Variants in ABR observed in about 807,000 individuals in gnomAD.
ABR encodes the protein active breakpoint cluster region-related protein.
A neutral mutation model predicts 107.2 loss-of-function variants in ABR; 35 were observed. The ratio of observed to expected loss-of-function variants is 0.33; its 90% CI spans 0.25 to 0.43. The LOEUF (loss-of-function observed/expected upper bound fraction) is 0.43, where lower values mean the gene tolerates loss of function less well. ABR is among the 20% of genes least tolerant of loss of function. The pLI is 1.00. For missense variants in ABR, 815 were observed against 1,115.2 expected, an observed-to-expected ratio of 0.73 and a Z score of 3.83; for synonymous variants, 498 against 462.0, an observed-to-expected ratio of 1.08 and a Z score of -1.00.
upstream of ABR, among the ~76,000 whole-genome samples, chr17:1,189,151 T>G (rs991817196): frequency 3.3e-5 from 5 of 152,106 alleles, no homozygotes; most frequent in African/African-American, 1.2e-4. Flanking sequence ...AGGGTGAGAC[T>G]CCGGCCACAG....
chr17:1,153,136 T>C lies in ABR; in HGVS notation c.61+26531A>G, dbSNP rs367962708. Reference sequence around the variant, plus strand: ...GCTGTGATCCAGAGCCGCCCTCTGTTCTGGGAGATGGGGACCAGTCTGGAC... The same window carrying C: ...GCTGTGATCCAGAGCCGCCCTCTGTCCTGGGAGATGGGGACCAGTCTGGAC... On this transcript the variant is annotated intron_variant, in intron 1 of 22. Transcript: ENST00000302538. 2.0e-5 allele frequency among the ~76,000 whole-genome samples: 3 copies of C among 152,354 alleles called. No individual in the cohort carries two copies. The East Asian group carries it at 5.8e-4, about 29-fold the overall frequency.
Position 1,073,689 on chromosome 17 carries a change from G to A in ABR, c.701-12C>T, listed in dbSNP as rs1190615995. On this transcript the variant is annotated splice_polypyrimidine_tract_variant and intron_variant, in intron 6 of 22. Coordinates refer to ENST00000302538, the MANE Select transcript of ABR (RefSeq NM_021962.5). ...CTTGTAGAGCAGAGCTGTCGGGGGA[G>A]ACAGGGAGAAGGAGGAAGAGGATGA... The A allele has an allele frequency of 1.8e-5, 29 of 1,600,846 alleles. No homozygotes were observed. Among genetic ancestry groups the A allele is most frequent in the Non-Finnish European group, 2.5e-5 (29 of 1,172,050 alleles).
chr17:1,060,754 AG>A (rs2033829186), intron 10 of ABR, among the ~76,000 whole-genome samples: 1 of 152,154 alleles, frequency 6.6e-6, no homozygotes, highest in Non-Finnish European at 1.5e-5. Context: ...GCACTTTGGG[AG>A]GCCGGGGCGG....
chr17:1,057,765 G>T, intron 12 of ABR: 1 of 546,382 alleles, frequency 1.8e-6, no homozygotes, highest in Non-Finnish European at 3.3e-6. Context: ...CCAGTCCCAG[G>T]ACTAAATCAT....
intron 3 of ABR, among the ~76,000 whole-genome samples, chr17:1,097,928 C>T (rs752585004): frequency 1.3e-5 from 2 of 152,166 alleles, no homozygotes; most frequent in African/African-American, 2.4e-5. Context: ...AGTAACTCAA[C>T]GCTGTATGAG....
At chr17:1,137,570 C>A (rs1204800548) in intron 1 of ABR, among the ~76,000 whole-genome samples, 1 of 152,162 alleles carries the variant, frequency 6.6e-6, no homozygotes, top group Non-Finnish European at 1.5e-5. Context: ...AAAACAATGA[C>A]AATGCTAACA....
chr17:1,116,454 G>A (rs1394787676), intron 2 of ABR, among the ~76,000 whole-genome samples: 2 of 152,100 alleles, frequency 1.3e-5, no homozygotes, highest in Non-Finnish European at 2.9e-5. Context: ...TCAACTCTAG[G>A]GCTGCTAGCT....
rs757183478 is a variant in ABR, at chr17:1,050,106, C to CAA, written c.1734_1735insTT (p.Val579LeufsTer35). 2 of 1,614,116 alleles carry CAA rather than the reference C, an allele frequency of 1.2e-6. No homozygotes were observed. The highest frequency in any genetic ancestry group is 2.2e-5 in the South Asian group (2 of 91,084). On this transcript the variant is annotated frameshift_variant, in exon 16 of 23. Transcript: ENST00000302538. LOFTEE classifies it high-confidence loss of function. The surrounding 1 kb of genome is among the most constrained non-coding windows in gnomAD (Gnocchi z 4.6). ...ACGATCTCATTGTTGTCCTTGTTGA[C>CAA]CTTGGTCTTGTCATAGCACTTCTCA...
intron 2 of ABR, among the ~76,000 whole-genome samples, chr17:1,106,470 G>A (rs1398465265): frequency 6.7e-6 from 1 of 150,272 alleles, no homozygotes; most frequent in African/African-American, 2.4e-5. Context: ...AACTCCACTA[G>A]AAGTGGTCCC....
At chr17:1,006,413 C>T (rs2241931) in intron 22 of ABR, among the ~76,000 whole-genome samples, 56,268 of 152,120 alleles carry the variant, frequency 0.37, 11,931 homozygotes, top group African/African-American at 0.6. Flanking sequence ...GGCCACAGTC[C>T]GGCCCCTGCT....
At chr17:1,019,831 C>T (rs867713366) in intron 16 of ABR, among the ~76,000 whole-genome samples, 2 of 152,250 alleles carry the variant, frequency 1.3e-5, no homozygotes, top group Middle Eastern at 3.2e-3. Context: ...AGACAGGTGC[C>T]TTCCATGGGC....
In ABR at chr17:1,037,010, T is replaced by G. The variant is rs1567625434; in HGVS notation, c.1791+13040A>C. Among the ~76,000 whole-genome samples the G allele has an allele frequency of 6.6e-6, 1 of 151,424 alleles. No individual in the cohort carries two copies. Among genetic ancestry groups the G allele is most frequent in the African/African-American group, 2.4e-5 (1 of 40,862 alleles). ...TTCCTTCCTTCCATCCTTCCTTCCT[T>G]CCATCCTTCCTTCCTTCCATCCATC... On this transcript the variant is annotated intron_variant, in intron 16 of 22. Transcript: ENST00000302538. This position sits in a 1 kb window ranked among gnomAD's most constrained non-coding sequence, Gnocchi z 4.6.
intron 16 of ABR, among the ~76,000 whole-genome samples, chr17:1,021,905 TC>T (rs1315036566): frequency 6.6e-6 from 1 of 151,232 alleles, no homozygotes; most frequent in Non-Finnish European, 1.5e-5. Flanking sequence ...ATGCCTGTAA[TC>T]CCAGCACTCT....
Position 1,078,921 on chromosome 17 carries a change from C to T in ABR, c.700+409G>A. The T allele has an allele frequency of 5.9e-6, 9 of 1,532,154 alleles. No individual in the cohort carries two copies. The highest frequency in any genetic ancestry group is 7.9e-6 in the Non-Finnish European group (9 of 1,144,728). The allele number at this position is 1,532,154 out of a possible 1,614,324, so 94.9% of individuals were successfully genotyped here. A position where few individuals can be genotyped will look rare whatever the true frequency, so the allele number is the denominator to read the frequency against. ...TCGCTCCAGGCTCCCCGGCGCCCAC[C>T]AGCAGCCCGGCCACTCAGCCACCTT... On this transcript the variant is annotated intron_variant, in intron 6 of 22. Transcript: ENST00000302538. The surrounding 1 kb of genome is among the most constrained non-coding windows in gnomAD (Gnocchi z 7.5).
chr17:1,176,082 G>T (rs2151616067), intron 1 of ABR, among the ~76,000 whole-genome samples: 1 of 151,798 alleles, frequency 6.6e-6, no homozygotes, highest in Middle Eastern at 3.4e-3. Context: ...GGGTGAAAGA[G>T]CGAGACTCCG....
In ABR at chr17:1,050,670, T is replaced by C. The variant is rs780233016; in HGVS notation, c.1562-36A>G. 6.3e-7 allele frequency: 1 copy of C among 1,581,892 alleles called. No homozygotes were observed. Among genetic ancestry groups the C allele is most frequent in the South Asian group, 1.1e-5 (1 of 90,482 alleles). Reference sequence around the variant, plus strand: ...AGGACAGACGGAGATACTGAGTGAGTGGGGCCAGGGTGGGGCAGCTGGGGC... The same window carrying C: ...AGGACAGACGGAGATACTGAGTGAGCGGGGCCAGGGTGGGGCAGCTGGGGC... On this transcript the variant is annotated intron_variant, in intron 14 of 22. Coordinates refer to ENST00000302538, the MANE Select transcript of ABR (RefSeq NM_021962.5). The surrounding 1 kb of genome is among the most constrained non-coding windows in gnomAD (Gnocchi z 4.6).
Position 1,024,024 on chromosome 17 carries a change from C to CAAAAAAAAAAAAAAAAAAAAA in ABR, c.1792-10881_1792-10861dup, listed in dbSNP as rs11334940. Among the ~76,000 whole-genome samples, 24 of 47,678 alleles carry CAAAAAAAAAAAAAAAAAAAAA rather than the reference C, an allele frequency of 5.0e-4. 1 individual carries two copies. The highest frequency in any genetic ancestry group is 5.4e-4 in the Admixed American group (2 of 3,676). 31.3% of individuals were successfully genotyped at this position (47,678 alleles called of 152,430 possible). ...TGGGCGACAGAGCGAGACTCCATCT[C>CAAAAAAAAAAAAAAAAAAAAA]AAAAAAAAAAAAAAAAAAAAAAAAA... On this transcript the variant is annotated intron_variant, in intron 16 of 22. Coordinates refer to ENST00000302538, the MANE Select transcript of ABR (RefSeq NM_021962.5).
chr17:1,031,479 GGGA>G, intron 16 of ABR: 1 of 676,998 alleles, frequency 1.5e-6, no homozygotes, highest in Non-Finnish European at 2.1e-6. Flanking sequence ...GCTCTGTCCC[GGGA>G]CTCCACGGAG....
chr17:1,052,254 G>C (rs1216161254), intron 14 of ABR, among the ~76,000 whole-genome samples: 1 of 151,918 alleles, frequency 6.6e-6, no homozygotes. Flanking sequence ...GGCCAGACCA[G>C]GGAGTGGGCC....
Sources: gnomAD v4.1 joint callset for allele counts (sites outside exome capture counted in the v4.1 genomes callset) on GRCh38, gnomAD v4.1.1 for gene constraint, Gnocchi (gnomAD v3.1) non-coding constraint, MANE v1.5 for transcripts, NCBI Gene and HGNC (gene_info 2026-07-23, HGNC 2026-07-21) for gene names.